CDH8: variants seen among roughly 807,000 people sequenced by gnomAD.
The protein encoded by CDH8 is cadherin-8.
Under a neutral mutation model 68.1 loss-of-function variants are expected in CDH8, and 17 were observed. That is an observed-to-expected ratio of 0.25 (90% CI 0.17 to 0.37). The LOEUF (loss-of-function observed/expected upper bound fraction) is 0.37. CDH8 is among the 10% of genes least tolerant of loss of function. The pLI, the probability that CDH8 is intolerant of heterozygous loss-of-function variation, is 1.00. For missense variants in CDH8, 763 were observed against 999.3 expected (o/e 0.76, Z 3.19); for synonymous variants, 372 against 365.1 (o/e 1.02, Z -0.21).
At chr16:61,961,044 G>T (rs1016115447) in intron 2 of CDH8, among the ~76,000 whole-genome samples, 19 of 152,126 alleles carry the variant, frequency 1.2e-4, no homozygotes, top group African/African-American at 4.3e-4. Context: ...GGCTGGGCAC[G>T]GTGGCTCATG....
chr16:61,771,198 T>C (rs1960768154), intron 8 of CDH8, among the ~76,000 whole-genome samples: 1 of 151,930 alleles, frequency 6.6e-6, no homozygotes, highest in African/African-American at 2.4e-5. Context: ...AGAAGTCACC[T>C]GACACATCAA....
chr16:61,764,042 T>C (rs1470600629), intron 8 of CDH8, among the ~76,000 whole-genome samples: 5 of 152,158 alleles, frequency 3.3e-5, no homozygotes, highest in Admixed American at 6.6e-5. Context: ...AATGAATTAA[T>C]ATGTCTACTA....
At chr16:61,960,029 C>CACAT in intron 2 of CDH8, among the ~76,000 whole-genome samples, 1 of 104,940 alleles carries the variant, frequency 9.5e-6, no homozygotes, top group African/African-American at 4.3e-5. Context: ...CACATACACA[C>CACAT]ACACACACAA....
chr16:61,733,966 C>T (rs1305379954), intron 8 of CDH8, among the ~76,000 whole-genome samples: 1 of 151,902 alleles, frequency 6.6e-6, no homozygotes. Flanking sequence ...TTAATTCATT[C>T]ATTTTCTTGA....
intron 10 of CDH8, among the ~76,000 whole-genome samples, chr16:61,668,382 G>A (rs552723662): frequency 4.0e-5 from 6 of 151,810 alleles, no homozygotes; most frequent in East Asian, 3.9e-4. Flanking sequence ...AATGCTCCAC[G>A]CACCTTTTGC....
At chr16:61,684,458 T>C (rs577303480) in intron 10 of CDH8, among the ~76,000 whole-genome samples, 63 of 152,138 alleles carry the variant, frequency 4.1e-4, no homozygotes, top group South Asian at 2.5e-3. Flanking sequence ...TAATATCTGA[T>C]GGAAGACACA....
intron 10 of CDH8, among the ~76,000 whole-genome samples, chr16:61,659,336 T>C (rs2142750192): frequency 6.6e-6 from 1 of 152,314 alleles, no homozygotes; most frequent in South Asian, 2.1e-4. Context: ...CATCCTTCCT[T>C]GTCTCAGCTC....
intron 2 of CDH8, among the ~76,000 whole-genome samples, chr16:61,907,211 GAGA>G (rs1964076074): frequency 1.3e-5 from 2 of 152,148 alleles, no homozygotes; most frequent in Non-Finnish European, 2.9e-5. Flanking sequence ...TCAGTTACCA[GAGA>G]AGATCAGACT....
intron 10 of CDH8, among the ~76,000 whole-genome samples, chr16:61,697,792 C>T (rs1016767260): frequency 1.3e-5 from 2 of 152,204 alleles, no homozygotes; most frequent in African/African-American, 2.4e-5. Flanking sequence ...TGGCCAGCCC[C>T]TTCTGGGGAG....
chr16:61,974,169 T>A (rs1295985449), intron 2 of CDH8, among the ~76,000 whole-genome samples: 4 of 152,068 alleles, frequency 2.6e-5, no homozygotes, highest in Non-Finnish European at 5.9e-5. Flanking sequence ...AAGAAATACA[T>A]TAATAAAGTG....
chr16:61,667,354 T>C (rs1052872823), intron 10 of CDH8: 14 of 151,962 alleles, frequency 9.2e-5, no homozygotes, highest in African/African-American at 3.4e-4. Flanking sequence ...GTTCCTAGAC[T>C]AACACCAAAC....
chr16:61,940,606 T>C (rs1440680489), intron 2 of CDH8: 1 of 152,324 alleles, frequency 6.6e-6, no homozygotes, highest in Non-Finnish European at 1.5e-5. Flanking sequence ...TTTCACCATG[T>C]TGGCCAGGAC....
At chr16:61,890,836 TC>T (rs1963762436) in intron 3 of CDH8, among the ~76,000 whole-genome samples, 3 of 152,058 alleles carry the variant, frequency 2.0e-5, no homozygotes, top group African/African-American at 7.2e-5. Flanking sequence ...ATTTTCTGCT[TC>T]CTACTTGAAA....
intron 7 of CDH8, among the ~76,000 whole-genome samples, chr16:61,794,723 C>T (rs1330356302): frequency 6.6e-6 from 1 of 151,976 alleles, no homozygotes; most frequent in Non-Finnish European, 1.5e-5. Flanking sequence ...TAAATAGGAA[C>T]CGATCTCTGC....
intron 5 of CDH8, among the ~76,000 whole-genome samples, chr16:61,823,316 C>A (rs184009012): frequency 1.3e-5 from 2 of 151,976 alleles, no homozygotes; most frequent in Non-Finnish European, 2.9e-5. Context: ...CCCACCTTCC[C>A]TCCTTTAACT....
chr16:61,813,948 G>C (rs1962015875), intron 7 of CDH8, among the ~76,000 whole-genome samples: 1 of 152,130 alleles, frequency 6.6e-6, no homozygotes, highest in Non-Finnish European at 1.5e-5. Flanking sequence ...GCCTATAGCT[G>C]TCAAAGAAAA....
At chr16:61,801,260 G>A (rs8063753) in intron 7 of CDH8, among the ~76,000 whole-genome samples, 2,151 of 152,170 alleles carry the variant, frequency 0.014, 73 homozygotes, top group African/African-American at 0.049. Flanking sequence ...TAATAGCCAG[G>A]TCTAGTATAC....
rs1486857565 is a variant in CDH8 at position 61,647,549 on chromosome 16, G to A, written c.*6059C>T. The A allele has an allele frequency of 2.2e-5, 10 of 445,106 alleles. No individual in the cohort carries two copies. In the East Asian group the frequency reaches 3.9e-4, roughly 17 times the overall value. The allele number at this position is 445,106 out of a possible 1,614,324, so 27.6% of individuals were successfully genotyped here. ...TTGTTAAAATCTTCCTCTTATTTGTGAGGGATCATAGGATGGCCTGAAGTT... is the reference window on the plus strand; with the variant it reads ...TTGTTAAAATCTTCCTCTTATTTGTAAGGGATCATAGGATGGCCTGAAGTT... On this transcript the variant is annotated 3_prime_UTR_variant, in exon 12 of 12. Transcript: ENST00000577390.
chr16:61,958,983 T>C (rs1965032415), intron 2 of CDH8, among the ~76,000 whole-genome samples: 1 of 152,148 alleles, frequency 6.6e-6, no homozygotes, highest in Non-Finnish European at 1.5e-5. Context: ...AGCCCGATCA[T>C]AACTTTTCAC....
Sources: allele counts gnomAD v4.1 joint callset (sites outside exome capture counted in the v4.1 genomes callset), GRCh38; gene constraint gnomAD v4.1.1; transcripts MANE v1.5; gene names NCBI Gene and HGNC (gene_info 2026-07-23, HGNC 2026-07-21).